Variants in GBE1 observed in about 807,000 individuals in gnomAD.
The protein encoded by GBE1 is 1,4-alpha-glucan branching enzyme 1.
In GBE1, 70 loss-of-function variants were observed where a neutral mutation model predicts 88.8. The observed-to-expected ratio is 0.79, with a 90% confidence interval of 0.65 to 0.96. The LOEUF (loss-of-function observed/expected upper bound fraction) is 0.96. Among genes scored for constraint, GBE1 ranks in the 40% least tolerant of loss-of-function variants. The pLI, the probability that GBE1 is intolerant of heterozygous loss-of-function variation, is 0.00. For missense variants in GBE1, 872 were observed against 871.0 expected, an observed-to-expected ratio of 1.00 and a Z score of -0.01; for synonymous variants, 284 against 300.1, an observed-to-expected ratio of 0.95 and a Z score of 0.56.
At chr3:81,719,230 G>A (rs1279533881) in intron 1 of GBE1, among the ~76,000 whole-genome samples, 1 of 151,858 alleles carries the variant, frequency 6.6e-6, no homozygotes, top group Non-Finnish European at 1.5e-5. Context: ...TGGTTGGTTG[G>A]TTTTGAGACA....
intron 7 of GBE1, among the ~76,000 whole-genome samples, chr3:81,628,458 T>G (rs1226312138): frequency 6.6e-6 from 1 of 151,958 alleles, no homozygotes; most frequent in Non-Finnish European, 1.5e-5. Context: ...ACTGATTTAT[T>G]CATGTGATCA....
chr3:81,644,547 C>T (rs1386117182), intron 6 of GBE1, among the ~76,000 whole-genome samples: 1 of 152,252 alleles, frequency 6.6e-6, no homozygotes, highest in East Asian at 1.9e-4. Context: ...GCAAGAAGCA[C>T]ATCAAGTGAG....
intron 14 of GBE1, among the ~76,000 whole-genome samples, chr3:81,533,997 C>A (rs914811230): frequency 1.3e-5 from 2 of 151,996 alleles, no homozygotes; most frequent in Non-Finnish European, 2.9e-5. Context: ...TATTATGTGA[C>A]AAATACATTT....
intron 1 of GBE1, among the ~76,000 whole-genome samples, chr3:81,711,792 G>A (rs1705870359): frequency 6.6e-6 from 1 of 152,098 alleles, no homozygotes; most frequent in Non-Finnish European, 1.5e-5. Flanking sequence ...AACAGAAGCC[G>A]AAATCGACAA....
At chr3:81,505,254 G>T (rs1384182709) in intron 14 of GBE1, among the ~76,000 whole-genome samples, 1 of 152,106 alleles carries the variant, frequency 6.6e-6, no homozygotes, top group Non-Finnish European at 1.5e-5. Context: ...GGAGCTAAGT[G>T]ACCCCAGGAA....
chr3:81,575,088 C>A (rs1703627234), intron 12 of GBE1, among the ~76,000 whole-genome samples: 2 of 151,460 alleles, frequency 1.3e-5, no homozygotes, highest in Admixed American at 6.6e-5. Context: ...TGGCGTGAAC[C>A]CGGGAAGCAG....
At position 81,705,577 on chromosome 3, in the gene GBE1, T is replaced by G. The variant is rs372548205; in HGVS notation, c.180A>C (p.Gly60=). Residue 60 remains glycine, a synonymous_variant, in exon 2 of 16, where the codon GGA becomes GGC. Coordinates refer to ENST00000429644, the MANE Select transcript of GBE1 (RefSeq NM_000158.4). ...ACTTATCAATACCACCTTCATTTTC[T>G]CCAATGTTCTTCAAAATTTGGCTAA... ...KQFSQILKNI[G]ENEGGIDKFS... 5.1e-6 allele frequency: 8 copies of G among 1,574,544 alleles called. No individual in the cohort carries two copies. The South Asian group carries it at 7.0e-5, about 14-fold the overall frequency.
At chr3:81,614,531 CT>C (rs1704223626) in intron 7 of GBE1, among the ~76,000 whole-genome samples, 1 of 152,042 alleles carries the variant, frequency 6.6e-6, no homozygotes, top group African/African-American at 2.4e-5. Context: ...GGGAGTATTG[CT>C]TGAGCCCAGG....
chr3:81,573,059 G>T (rs988130020), intron 12 of GBE1, among the ~76,000 whole-genome samples: 2 of 151,446 alleles, frequency 1.3e-5, no homozygotes, highest in African/African-American at 4.9e-5. Context: ...ATTTATTTTT[G>T]AACACGAAGC....
chr3:81,551,491 C>A (rs1486541852), intron 12 of GBE1, among the ~76,000 whole-genome samples: 1 of 152,164 alleles, frequency 6.6e-6, no homozygotes, highest in African/African-American at 2.4e-5. Flanking sequence ...CACCCCTCTG[C>A]TCACTGAGGT....
intron 14 of GBE1, among the ~76,000 whole-genome samples, chr3:81,517,237 G>A (rs1322743869): frequency 1.3e-5 from 2 of 151,424 alleles, no homozygotes; most frequent in African/African-American, 4.8e-5. Context: ...TAACATCAAG[G>A]CAAGAGCCTC....
chr3:81,761,467 C>T lies in GBE1; in HGVS notation c.51G>A (p.Ala17=). Residue 17 remains alanine (A), a synonymous_variant, in exon 1 of 16, where the codon GCG becomes GCA. Coordinates refer to ENST00000429644, the MANE Select transcript of GBE1 (RefSeq NM_000158.4). ...PAARPEDYEA[A]LNAALADVPE... ...GCACGTCAGCCAGGGCGGCATTGAG[C>T]GCCGCCTCGTAGTCCTCGGGCCGAG... is the stretch of plus-strand genomic sequence containing the variant. The T allele has an allele frequency of 3.1e-6, 5 of 1,613,378 alleles. No individual in the cohort carries two copies. Among genetic ancestry groups the T allele is most frequent in the Non-Finnish European group, 3.4e-6 (4 of 1,179,666 alleles).
chr3:81,588,103 CTT>C (rs5850528), intron 9 of GBE1, among the ~76,000 whole-genome samples: 173 of 146,338 alleles, frequency 1.2e-3, no homozygotes, highest in Middle Eastern at 0.011. Context: ...TCAAATGCTT[CTT>C]TTTTTTTTTT....
At chr3:81,598,637 A>T (rs1236168333) in intron 7 of GBE1, among the ~76,000 whole-genome samples, 5 of 151,996 alleles carry the variant, frequency 3.3e-5, no homozygotes, top group Admixed American at 2.6e-4. Flanking sequence ...ACTTGAAATG[A>T]TTGAAAAGTA....
intron 1 of GBE1, among the ~76,000 whole-genome samples, chr3:81,745,558 GATT>G (rs940204859): frequency 7.3e-5 from 11 of 151,724 alleles, no homozygotes; most frequent in African/African-American, 1.5e-4. Context: ...TGATGGTGAT[GATT>G]ATTATTATTA....
chr3:81,570,814 A>G lies in GBE1; in HGVS notation c.1618+7111T>C, dbSNP rs139854442. ...TCTTAATTCTCTTAATTCAGTTAGA[A>G]TAAAAGAAGGTATGGGTTTCTAAAG... is the stretch of plus-strand genomic sequence containing the variant. On this transcript the variant is annotated intron_variant, in intron 12 of 15. Coordinates refer to ENST00000429644, the MANE Select transcript of GBE1 (RefSeq NM_000158.4). Among the ~76,000 whole-genome samples the G allele has an allele frequency of 5.5e-3, 838 of 152,328 alleles. 5 individuals carry two copies. Among genetic ancestry groups the G allele is most frequent in the African/African-American group, 0.019 (795 of 41,578 alleles).
chr3:81,651,263 G>A (rs1704847921), intron 3 of GBE1, among the ~76,000 whole-genome samples: 1 of 152,140 alleles, frequency 6.6e-6, no homozygotes, highest in South Asian at 2.1e-4. Context: ...GTTGCCAGAA[G>A]TCCCAAAATA....
intron 3 of GBE1, among the ~76,000 whole-genome samples, chr3:81,652,540 G>T (rs1365463201): frequency 6.6e-6 from 1 of 152,072 alleles, no homozygotes; most frequent in Non-Finnish European, 1.5e-5. Context: ...CTTATTCATG[G>T]AATTGCAACC....
At chr3:81,615,737 T>C (rs1347132984) in intron 7 of GBE1, among the ~76,000 whole-genome samples, 2 of 152,220 alleles carry the variant, frequency 1.3e-5, no homozygotes, top group East Asian at 3.8e-4. Flanking sequence ...ACAATGAACA[T>C]TTAAGTGTAT....
Sources: allele counts gnomAD v4.1 joint callset (sites outside exome capture counted in the v4.1 genomes callset), GRCh38; gene constraint gnomAD v4.1.1; transcripts MANE v1.5; gene names NCBI Gene and HGNC (gene_info 2026-07-23, HGNC 2026-07-21).